The following RAF1 variants were observed in gnomAD, a reference collection of about 807,000 sequenced individuals.
The protein encoded by RAF1 is Raf-1 proto-oncogene, serine/threonine kinase.
A neutral mutation model predicts 81.1 loss-of-function variants in RAF1; 27 were observed. That is an observed-to-expected ratio of 0.33 (90% CI 0.25 to 0.46). RAF1 has a LOEUF of 0.46. Ranked by LOEUF, RAF1 falls within the 20% of genes least tolerant of loss-of-function variation. The pLI, the probability that RAF1 is intolerant of heterozygous loss-of-function variation, is 1.00. For missense variants in RAF1, 598 were observed against 826.0 expected, an observed-to-expected ratio of 0.72 and a Z score of 3.38; for synonymous variants, 298 against 294.0, an observed-to-expected ratio of 1.01 and a Z score of -0.14.
chr3:12,629,019 T>C (rs968838803), intron 1 of RAF1, among the ~76,000 whole-genome samples: 4 of 152,236 alleles, frequency 2.6e-5, no homozygotes, highest in Non-Finnish European at 4.4e-5. Context: ...GCTGGGATTA[T>C]AGGCATGAGC....
rs2125398892 is a variant in RAF1, at chr3:12,604,297, G to A, written c.681-8C>T. On this transcript the variant is annotated splice_region_variant and splice_polypyrimidine_tract_variant and intron_variant, in intron 6 of 17. Transcript: ENST00000442415. ...GAATATCTGTGCTGAGAACTAGGAG[G>A]AGAAAGAAAATTCCATGATTGGCAC... 1 of 1,613,508 alleles carries A rather than the reference G, an allele frequency of 6.2e-7. No homozygotes were observed. Among genetic ancestry groups the A allele is most frequent in the East Asian group, 2.2e-5 (1 of 44,874 alleles).
intron 5 of RAF1, among the ~76,000 whole-genome samples, 196 bp from the exon 6 acceptor site, chr3:12,606,495 GAAT>G (rs1440519520): frequency 6.6e-6 from 1 of 152,052 alleles, no homozygotes; most frequent in Non-Finnish European, 1.5e-5. Flanking sequence ...TATTGAATGT[GAAT>G]AATACTGACC....
chr3:12,598,742 A>AC lies in RAF1; in HGVS notation c.1168+948_1168+949insG, dbSNP rs1464773057. Among the ~76,000 whole-genome samples, 953 of 149,196 alleles carry AC rather than the reference A, an allele frequency of 6.4e-3. 18 individuals are homozygous for AC. The highest frequency in any genetic ancestry group is 0.022 in the African/African-American group (887 of 40,352). ...ATCTATCTCAAAAAAAAAAAAAAAA[A>AC]AAAAAAAAAAACCACCAAGTACTCA... On this transcript the variant is annotated intron_variant, in intron 11 of 17. Coordinates refer to ENST00000442415, the MANE Select transcript of RAF1 (RefSeq NM_001354689.3).
At chr3:12,598,551 A>G (rs549980189) in intron 11 of RAF1, among the ~76,000 whole-genome samples, 30 of 152,002 alleles carry the variant, frequency 2.0e-4, no homozygotes, top group African/African-American at 6.7e-4. Context: ...TGGGCAACAT[A>G]GTGAGACCTT....
intron 1 of RAF1, among the ~76,000 whole-genome samples, chr3:12,621,406 T>C (rs1311011412): frequency 6.6e-6 from 1 of 152,204 alleles, no homozygotes; most frequent in East Asian, 1.9e-4. Flanking sequence ...ATCCACTATA[T>C]GCTAAATCAC....
intron 2 of RAF1, among the ~76,000 whole-genome samples, chr3:12,617,076 G>A (rs2059391588): frequency 6.6e-6 from 1 of 151,612 alleles, no homozygotes; most frequent in African/African-American, 2.4e-5. Flanking sequence ...CGAGTAGCTG[G>A]GACTACAGAC....
chr3:12,631,599 AAAAAC>A (rs779916699), intron 1 of RAF1, among the ~76,000 whole-genome samples: 11 of 152,336 alleles, frequency 7.2e-5, no homozygotes, highest in Middle Eastern at 3.4e-3. Flanking sequence ...ACTCCATCTC[AAAAAC>A]AAAACAAAAC....
Position 12,639,979 on chromosome 3 carries a change from C to A in RAF1, c.-26-21232G>T, listed in dbSNP as rs183413396. On this transcript the variant is annotated intron_variant, in intron 1 of 17. Transcript: ENST00000442415. ...CCTGACTTCAAACTATACTACAAGGCTACAGTAACCAAAACAGCATGGTAC... is the reference window on the plus strand; with the variant it reads ...CCTGACTTCAAACTATACTACAAGGATACAGTAACCAAAACAGCATGGTAC... 6.9e-3 allele frequency among the ~76,000 whole-genome samples: 1,051 copies of A among 152,250 alleles called. 6 individuals are homozygous for A. Among genetic ancestry groups the A allele is most frequent in the African/African-American group, 0.024 (992 of 41,554 alleles).
chr3:12,598,460 G>C (rs2058749061), intron 11 of RAF1, among the ~76,000 whole-genome samples: 1 of 152,074 alleles, frequency 6.6e-6, no homozygotes, highest in South Asian at 2.1e-4. Flanking sequence ...GGTAAGGCTG[G>C]GCACAGTGGC....
chr3:12,638,228 A>G (rs2125522564), intron 1 of RAF1, among the ~76,000 whole-genome samples: 1 of 152,322 alleles, frequency 6.6e-6, no homozygotes, highest in East Asian at 1.9e-4. Flanking sequence ...CAGGCTCTTA[A>G]GAGTTATTTA....
intron 1 of RAF1, among the ~76,000 whole-genome samples, chr3:12,623,853 T>C (rs1169073005): frequency 1.8e-4 from 16 of 88,802 alleles, no homozygotes; most frequent in Admixed American, 8.0e-4. Context: ...CTAACCCTTT[T>C]CTTTTTTCTT....
intron 1 of RAF1, among the ~76,000 whole-genome samples, chr3:12,624,845 C>T (rs2059652717): frequency 7.0e-6 from 1 of 142,754 alleles, no homozygotes; most frequent in Non-Finnish European, 1.5e-5. Context: ...GAGATTGCGC[C>T]ACTGCACTCC....
chr3:12,646,897 C>G (rs1672178777), intron 1 of RAF1, among the ~76,000 whole-genome samples: 1 of 151,904 alleles, frequency 6.6e-6, no homozygotes, highest in South Asian at 2.1e-4. Flanking sequence ...GTTGGCCAGG[C>G]TGGTCTCAAA....
intron 1 of RAF1, among the ~76,000 whole-genome samples, chr3:12,625,080 T>C (rs189126967): frequency 6.6e-6 from 1 of 152,084 alleles, no homozygotes; most frequent in African/African-American, 2.4e-5. Context: ...GTAAAATTTA[T>C]TTTATTTTTA....
chr3:12,605,946 TGACA>T (rs1197936556), intron 6 of RAF1, among the ~76,000 whole-genome samples: 2 of 152,164 alleles, frequency 1.3e-5, no homozygotes, highest in African/African-American at 4.8e-5. Flanking sequence ...TAAAATGTAA[TGACA>T]TATTAAGAAA....
intron 8 of RAF1, among the ~76,000 whole-genome samples, chr3:12,603,222 C>T (rs887882376): frequency 2.0e-5 from 3 of 152,172 alleles, no homozygotes; most frequent in Non-Finnish European, 4.4e-5. Context: ...AACAGACATA[C>T]ACCGTCATGC....
At chr3:12,620,537 C>T (rs1388615250) in intron 1 of RAF1, among the ~76,000 whole-genome samples, 1 of 152,076 alleles carries the variant, frequency 6.6e-6, no homozygotes, top group Non-Finnish European at 1.5e-5. Flanking sequence ...GTGACATGAT[C>T]ACAGCTCACT....
chr3:12,603,994 A>G (rs1024114932), intron 7 of RAF1, 142 bp downstream of exon 7: 3 of 907,200 alleles, frequency 3.3e-6, no homozygotes, highest in Admixed American at 2.0e-5. Context: ...TATTATGGAT[A>G]TAAAATAAAC....
chr3:12,630,143 A>G (rs1414315234), intron 1 of RAF1, among the ~76,000 whole-genome samples: 1 of 152,196 alleles, frequency 6.6e-6, no homozygotes, highest in Admixed American at 6.5e-5. Flanking sequence ...ATAAAGGGGA[A>G]GTTACTCACA....
Sources: allele counts gnomAD v4.1 joint callset (sites outside exome capture counted in the v4.1 genomes callset), GRCh38; gene constraint gnomAD v4.1.1; transcripts MANE v1.5; gene names NCBI Gene and HGNC (gene_info 2026-07-23, HGNC 2026-07-21).